The following WIPI2 variants were observed in gnomAD, a reference collection of about 807,000 sequenced individuals.
WIPI2 encodes the protein WD repeat domain phosphoinositide-interacting protein 2.
In WIPI2, 28 loss-of-function variants were observed where a neutral mutation model predicts 52.3. The ratio of observed to expected loss-of-function variants is 0.54; its 90% confidence interval spans 0.40 to 0.73. The LOEUF is 0.73. Among genes scored for constraint, WIPI2 ranks in the 30% least tolerant of loss-of-function variants. The probability of loss-of-function intolerance (pLI) is 0.00; values close to 1 mark genes in which losing one functional copy is unlikely to be tolerated. For synonymous variants in WIPI2, 268 were observed against 245.0 expected (o/e 1.09, Z -0.88); for missense variants, 506 against 602.9 (o/e 0.84, Z 1.68).
chr7:5,205,972 T>C (rs1279321213), intron 3 of WIPI2, among the ~76,000 whole-genome samples: 1 of 152,028 alleles, frequency 6.6e-6, no homozygotes, highest in East Asian at 1.9e-4. Context: ...AAATTAGCCA[T>C]TTGTTAGGGG....
intron 8 of WIPI2, chr7:5,222,881 A>T (rs543841480): frequency 8.3e-5 from 42 of 504,836 alleles, no homozygotes; most frequent in Non-Finnish European, 1.4e-4. Flanking sequence ...TTTGTTTGCG[A>T]TCCCACCAGC....
chr7:5,206,969 C>T (rs990409482), intron 3 of WIPI2, among the ~76,000 whole-genome samples: 5 of 152,010 alleles, frequency 3.3e-5, no homozygotes, highest in Admixed American at 2.6e-4. Context: ...TGTAGGGACA[C>T]GATCTTGTTA....
chr7:5,215,496 C>T (rs1782770100), intron 4 of WIPI2, among the ~76,000 whole-genome samples: 1 of 152,224 alleles, frequency 6.6e-6, no homozygotes, highest in African/African-American at 2.4e-5. Flanking sequence ...AGCTTGTGCT[C>T]ACGCCCAGGG....
In WIPI2 at chr7:5,199,646, A is replaced by G; in HGVS notation, c.199A>G (p.Ile67Val). ...SLSSVDKLEQ[I>V]YECTDTEDVC... ...TTCTTCTGTGGATAAGCTGGAACAG[A>G]TCTATGAATGCAGTAAGTGTTTGCT... Residue 67 changes from isoleucine (I) to valine (V), a missense_variant, in exon 3 of 13, where the codon ATC becomes GTC. Around this residue, in one of 4 missense-constraint regions of WIPI2, gnomAD observed 237 missense variants for 346.9 expected, o/e 0.68. Coordinates refer to ENST00000288828, the MANE Select transcript of WIPI2 (RefSeq NM_015610.4). 1 of 1,607,562 alleles carries G rather than the reference A, an allele frequency of 6.2e-7. No homozygotes were observed. Among genetic ancestry groups the G allele is most frequent in the Non-Finnish European group, 8.5e-7 (1 of 1,178,328 alleles).
chr7:5,198,767 A>G (rs1481810720), intron 2 of WIPI2, among the ~76,000 whole-genome samples: 1 of 152,138 alleles, frequency 6.6e-6, no homozygotes, highest in African/African-American at 2.4e-5. Context: ...TAGTATTCTT[A>G]TTTTAATTTT....
Position 5,228,146 on chromosome 7 carries a change from G to T in WIPI2, c.1056G>T (p.Gly352=). The change falls in exon 11 of 13, where the codon GGG becomes GGT. Residue 352 remains glycine (G), a synonymous_variant. Transcript: ENST00000288828. ...IPRLLVGAAD[G]YLYMYNLDPQ... ...GGTTGTTGGTGGGTGCCGCCGACGG[G>T]TACCTGTACATGTACAACCTGGACC... The T allele has an allele frequency of 6.2e-7, 1 of 1,613,912 alleles. No homozygotes were observed. Among genetic ancestry groups the T allele is most frequent in the Non-Finnish European group, 8.5e-7 (1 of 1,180,010 alleles).
chr7:5,216,439 A>G, intron 4 of WIPI2, 124 bp from the exon 5 acceptor site: 1 of 780,616 alleles, frequency 1.3e-6, no homozygotes, highest in South Asian at 1.8e-5. Context: ...CTCCAAAAAA[A>G]TAAAATACAA....
rs201287972 is a variant in WIPI2 at position 5,217,903 on chromosome 7, A to G, written c.577-19A>G. 1 of 1,613,900 alleles carries G rather than the reference A, an allele frequency of 6.2e-7. No individual in the cohort carries two copies. Among genetic ancestry groups the G allele is most frequent in the East Asian group, 2.2e-5 (1 of 44,884 alleles). On this transcript the variant is annotated intron_variant, in intron 6 of 12. Coordinates refer to ENST00000288828, the MANE Select transcript of WIPI2 (RefSeq NM_015610.4). ...GGTCACTGTGCGGTGGCCACTCTTT[A>G]TTGGTGTCCCTTTTTCAGAGAGCTG...
chr7:5,233,441 T>C lies in WIPI2; in HGVS notation c.*2494T>C, dbSNP rs1326716353. 1 of 152,358 alleles carries C rather than the reference T, an allele frequency of 6.6e-6. No homozygotes were observed. The highest frequency in any genetic ancestry group is 1.9e-4 in the East Asian group (1 of 5,200). 9.4% of individuals were successfully genotyped at this position (152,358 alleles called of 1,614,324 possible). A position where few individuals can be genotyped will look rare whatever the true frequency, so the allele number is the denominator to read the frequency against. On this transcript the variant is annotated 3_prime_UTR_variant, in exon 13 of 13. Transcript: ENST00000288828. ...TGCTAATTTTCCGAACTCCAAACTG[T>C]ACACTCATATTCATTTTTAAATTGT...
rs374587331 is a variant in WIPI2, at chr7:5,227,968, C to T, written c.1014-136C>T. The T allele has an allele frequency of 1.2e-4, 96 of 801,614 alleles. 2 individuals carry two copies. The highest frequency in any genetic ancestry group is 7.7e-4 in the African/African-American group (45 of 58,672). 49.7% of individuals were successfully genotyped at this position (801,614 alleles called of 1,614,324 possible). A position where few individuals can be genotyped will look rare whatever the true frequency, so the allele number is the denominator to read the frequency against. ...GCCGTGTGAGCCGAGGTCAGTGGGG[C>T]GCCAGACACCTGCAGCTGCCCTTGT... On this transcript the variant is annotated intron_variant, in intron 10 of 12. Transcript: ENST00000288828. This position sits in a 1 kb window ranked among gnomAD's most constrained non-coding sequence, Gnocchi z 8.1.
chr7:5,231,841 G>A lies in WIPI2; in HGVS notation c.*894G>A, dbSNP rs939435050. On this transcript the variant is annotated 3_prime_UTR_variant, in exon 13 of 13. Transcript: ENST00000288828. ...TGGTGGCCGTCTGAGCTGTCCTTTC[G>A]CTGGCCCCGCTGTCCGCAGGGGCTT... The A allele has an allele frequency of 4.7e-5, 10 of 212,170 alleles. No homozygotes were observed. The highest frequency in any genetic ancestry group is 1.6e-3 in the Middle Eastern group (1 of 624). The allele number at this position is 212,170 out of a possible 1,614,324, so 13.1% of individuals were successfully genotyped here.
chr7:5,196,572 G>C (rs952115056), intron 2 of WIPI2, among the ~76,000 whole-genome samples: 2 of 152,136 alleles, frequency 1.3e-5, no homozygotes, highest in Non-Finnish European at 2.9e-5. Context: ...AACAAATGCT[G>C]TGTGTAGGGA....
chr7:5,196,003 A>T (rs1396684767), intron 2 of WIPI2, among the ~76,000 whole-genome samples: 1 of 151,206 alleles, frequency 6.6e-6, no homozygotes, highest in Non-Finnish European at 1.5e-5. Context: ...ACATCACTGC[A>T]CTCTAGCCTG....
intron 2 of WIPI2, among the ~76,000 whole-genome samples, chr7:5,194,001 G>A (rs1281510515): frequency 6.6e-6 from 1 of 152,230 alleles, no homozygotes; most frequent in African/African-American, 2.4e-5. Context: ...AGTGACCAGT[G>A]GGAAGGAGAC....
In WIPI2 at chr7:5,230,651, T is replaced by G. The variant is rs1291571933; in HGVS notation, c.1253-184T>G. Among the ~76,000 whole-genome samples the G allele has an allele frequency of 6.6e-6, 1 of 152,244 alleles. No individual in the cohort carries two copies. Among genetic ancestry groups the G allele is most frequent in the African/African-American group, 2.4e-5 (1 of 41,466 alleles). ...TATGAATGTCAGAGAACAAATGACT[T>G]CATCTCGAGCTGCCTAAGGCTGCAA... On this transcript the variant is annotated intron_variant, in intron 12 of 12. Coordinates refer to ENST00000288828, the MANE Select transcript of WIPI2 (RefSeq NM_015610.4). This position sits in a 1 kb window ranked among gnomAD's most constrained non-coding sequence, Gnocchi z 4.8.
At chr7:5,221,296 TG>T (rs1192683198) in intron 7 of WIPI2, among the ~76,000 whole-genome samples, 1 of 151,810 alleles carries the variant, frequency 6.6e-6, no homozygotes, top group Admixed American at 6.6e-5. Context: ...TTAGTAGAGA[TG>T]GGGGTTTCAC....
At position 5,233,407 on chromosome 7, in the gene WIPI2, CAG is replaced by C. The variant is rs1442202580; in HGVS notation, c.*2462_*2463del. The stretch of plus-strand genomic sequence containing the variant: ...AGGTGGAGAGGGACCCTGAACCAAA[CAG>C]AACGTGTGCTAATTTTCCGAACTCC... On this transcript the variant is annotated 3_prime_UTR_variant, in exon 13 of 13. Coordinates refer to ENST00000288828, the MANE Select transcript of WIPI2 (RefSeq NM_015610.4). The C allele has an allele frequency of 1.3e-5, 2 of 152,274 alleles. No individual in the cohort carries two copies. Among genetic ancestry groups the C allele is most frequent in the East Asian group, 3.8e-4 (2 of 5,202 alleles). 9.4% of individuals were successfully genotyped at this position (152,274 alleles called of 1,614,324 possible).
intron 3 of WIPI2, among the ~76,000 whole-genome samples, chr7:5,206,994 G>A (rs1228403878): frequency 6.6e-6 from 1 of 152,120 alleles, no homozygotes; most frequent in Non-Finnish European, 1.5e-5. Flanking sequence ...GTCCAGGCTA[G>A]TCTCAAACTC....
chr7:5,204,334 G>C (rs1299550595), intron 3 of WIPI2, among the ~76,000 whole-genome samples: 1 of 152,152 alleles, frequency 6.6e-6, no homozygotes, highest in Non-Finnish European at 1.5e-5. Flanking sequence ...GGACATGGTG[G>C]CGCGCTCCTG....
Sources: allele counts gnomAD v4.1 joint callset (sites outside exome capture counted in the v4.1 genomes callset), GRCh38; gene constraint gnomAD v4.1.1; regional missense constraint gnomAD v4.1.1; non-coding constraint Gnocchi (gnomAD v3.1); transcripts MANE v1.5; gene names NCBI Gene and HGNC (gene_info 2026-07-23, HGNC 2026-07-21).